Variants in POLD3 observed in about 807,000 individuals in gnomAD.
The protein encoded by POLD3 is DNA polymerase delta 3, accessory subunit, also known as DNA polymerase delta subunit 3.
In POLD3, 19 loss-of-function variants were observed where a neutral mutation model predicts 58.2. The ratio of observed to expected loss-of-function variants is 0.33; its 90% CI spans 0.23 to 0.48. The LOEUF (loss-of-function observed/expected upper bound fraction) is 0.48, where lower values mean the gene tolerates loss of function less well. Ranked by LOEUF, POLD3 falls within the 20% of genes least tolerant of loss-of-function variation. The pLI, the probability that POLD3 is intolerant of heterozygous loss-of-function variation, is 0.99. For missense variants in POLD3, 504 were observed against 545.5 expected (o/e 0.92, Z 0.76); for synonymous variants, 172 against 193.5 (o/e 0.89, Z 0.92).
At chr11:74,630,268 T>G (rs1456329822) in intron 9 of POLD3, among the ~76,000 whole-genome samples, 2 of 151,904 alleles carry the variant, frequency 1.3e-5, no homozygotes, top group Non-Finnish European at 2.9e-5. Context: ...TAAGAGGAAT[T>G]GAAAATGGTA....
chr11:74,608,426 G>GT (rs1393967876), intron 3 of POLD3, among the ~76,000 whole-genome samples: 2 of 151,990 alleles, frequency 1.3e-5, no homozygotes, highest in Non-Finnish European at 2.9e-5. Flanking sequence ...TGGCCTTTCT[G>GT]TTTTTTTAGC....
chr11:74,612,247 A>G (rs2135138742), intron 4 of POLD3, among the ~76,000 whole-genome samples: 1 of 152,260 alleles, frequency 6.6e-6, no homozygotes, highest in African/African-American at 2.4e-5. Context: ...GGGTTTGTCC[A>G]CTTTTTACTT....
intron 6 of POLD3, 109 bp downstream of exon 6, chr11:74,618,913 G>T (rs2032165617): frequency 1.1e-6 from 1 of 945,454 alleles, no homozygotes; most frequent in Non-Finnish European, 1.6e-6. Context: ...CTGATATTCA[G>T]TTCTGATTTT....
intron 1 of POLD3, chr11:74,593,162 T>A: frequency 2.2e-6 from 1 of 453,396 alleles, no homozygotes; most frequent in Non-Finnish European, 3.0e-6. Flanking sequence ...TTGATAGAGG[T>A]TTGATCCGCT....
intron 4 of POLD3, among the ~76,000 whole-genome samples, chr11:74,649,809 A>C (rs1406894481): frequency 6.6e-6 from 1 of 152,172 alleles, no homozygotes; most frequent in Non-Finnish European, 1.5e-5. Context: ...GGAGTTCGAG[A>C]CCAGCCTGGC....
At chr11:74,610,616 T>C (rs1235255200) in intron 3 of POLD3, among the ~76,000 whole-genome samples, 1 of 151,802 alleles carries the variant, frequency 6.6e-6, no homozygotes, top group African/African-American at 2.4e-5. Flanking sequence ...GCTTTATCAT[T>C]TGTTTTTGTA....
intron 2 of POLD3, among the ~76,000 whole-genome samples, chr11:74,600,200 T>C (rs1022107198): frequency 5.9e-5 from 9 of 152,146 alleles, no homozygotes; most frequent in East Asian, 1.9e-4. Context: ...TGCCTCGGCC[T>C]CCTAACATGC....
intron 11 of POLD3, among the ~76,000 whole-genome samples, chr11:74,636,489 A>G (rs1371602271): frequency 6.6e-5 from 10 of 152,236 alleles, no homozygotes; most frequent in Admixed American, 6.5e-4. Context: ...GACTATAAAA[A>G]TAAGCACTGA....
chr11:74,629,285 G>A lies in POLD3; in HGVS notation c.968G>A (p.Arg323Lys). 1.9e-6 allele frequency: 3 copies of A among 1,608,502 alleles called. No individual in the cohort carries two copies. Among genetic ancestry groups the A allele is most frequent in the Non-Finnish European group, 2.6e-6 (3 of 1,176,396 alleles). The stretch of plus-strand genomic sequence containing the variant: ...GAAAACATGAGGAAAAAGAGGAGAA[G>A]AATCAAACTTCCTGAATCTGATAGC... The part of the protein sequence containing the change: ...ETENMRKKRR[R>K]IKLPESDSSE... Residue 323 changes from arginine to lysine, a missense_variant, in exon 9 of 12, where the codon AGA (arginine) becomes AAA (lysine). This residue lies in a region of POLD3 where 385 missense variants were observed against 370.5 expected (regional missense o/e 1.04). Coordinates refer to ENST00000263681, the MANE Select transcript of POLD3 (RefSeq NM_006591.3).
At chr11:74,658,289 C>T (rs2033161879) in intron 4 of POLD3, among the ~76,000 whole-genome samples, 1 of 152,100 alleles carries the variant, frequency 6.6e-6, no homozygotes, top group South Asian at 2.1e-4. Flanking sequence ...GAAAGACTGG[C>T]CCCCATGATT....
rs2032920257 is a variant in POLD3 at position 74,641,778 on chromosome 11, T to G, written c.*1012T>G. On this transcript the variant is annotated 3_prime_UTR_variant, in exon 12 of 12. Transcript: ENST00000263681. Reference sequence around the variant, plus strand: ...GATAAGGCACACATTTATTTATAAATGGATGTTGCTCCTTTGTATTTTTAG... The same window carrying G: ...GATAAGGCACACATTTATTTATAAAGGGATGTTGCTCCTTTGTATTTTTAG... 5 of 985,130 alleles carry G rather than the reference T, an allele frequency of 5.1e-6. No individual in the cohort carries two copies. Among genetic ancestry groups the G allele is most frequent in the Admixed American group, 6.1e-5 (1 of 16,272 alleles). 61.0% of individuals were successfully genotyped at this position (985,130 alleles called of 1,614,324 possible). A position where few individuals can be genotyped will look rare whatever the true frequency, so the allele number is the denominator to read the frequency against.
At chr11:74,631,405 C>T (rs1040119886) in intron 9 of POLD3, among the ~76,000 whole-genome samples, 7 of 150,976 alleles carry the variant, frequency 4.6e-5, no homozygotes, top group African/African-American at 1.7e-4. Flanking sequence ...TTTTTATGAA[C>T]ATGAAATAAG....
intron 2 of POLD3, among the ~76,000 whole-genome samples, chr11:74,601,538 G>A (rs1038030852): frequency 6.6e-6 from 1 of 152,198 alleles, no homozygotes; most frequent in African/African-American, 2.4e-5. Context: ...TGTAATCCTA[G>A]CATTTTGAGA....
intron 4 of POLD3, among the ~76,000 whole-genome samples, chr11:74,650,583 G>A (rs1355598739): frequency 6.6e-6 from 1 of 152,196 alleles, no homozygotes; most frequent in Non-Finnish European, 1.5e-5. Flanking sequence ...AATGATGTAT[G>A]GGGTGCTTGG....
At chr11:74,639,342 C>T (rs2032844863) in intron 11 of POLD3, among the ~76,000 whole-genome samples, 1 of 152,054 alleles carries the variant, frequency 6.6e-6, no homozygotes, top group South Asian at 2.1e-4. Flanking sequence ...AAAGCTTATG[C>T]CTCTAGAACA....
At position 74,641,444 on chromosome 11, in the gene POLD3, C is replaced by A. The variant is rs1380148525; in HGVS notation, c.*678C>A. The stretch of plus-strand genomic sequence containing the variant: ...CTTGCAATTAGTGGTTAGGGAAAAG[C>A]CTCAGGCAGAACACAAATAGAAATT... On this transcript the variant is annotated 3_prime_UTR_variant, in exon 12 of 12. Transcript: ENST00000263681. The A allele has an allele frequency of 1.0e-6, 1 of 985,286 alleles. No homozygotes were observed. Among genetic ancestry groups the A allele is most frequent in the Non-Finnish European group, 1.2e-6 (1 of 829,948 alleles). The allele number at this position is 985,286 out of a possible 1,614,324, so 61.0% of individuals were successfully genotyped here. A position where few individuals can be genotyped will look rare whatever the true frequency, so the allele number is the denominator to read the frequency against.
At chr11:74,596,765 C>G (rs1463315630) in intron 2 of POLD3, among the ~76,000 whole-genome samples, 1 of 152,194 alleles carries the variant, frequency 6.6e-6, no homozygotes, top group Admixed American at 6.5e-5. Context: ...CCCATTCCCC[C>G]TCCCCTAACC....
At chr11:74,627,259 T>A (rs1403442879) in intron 8 of POLD3, among the ~76,000 whole-genome samples, 3 of 151,732 alleles carry the variant, frequency 2.0e-5, no homozygotes, top group Non-Finnish European at 4.4e-5. Flanking sequence ...AATGTGTGTT[T>A]GGGTCTTAGC....
chr11:74,614,264 A>G (rs1270102256), intron 5 of POLD3, among the ~76,000 whole-genome samples: 1 of 152,244 alleles, frequency 6.6e-6, no homozygotes. Flanking sequence ...TGGTTGCAGT[A>G]TTGAAGATAA....
Sources: allele counts gnomAD v4.1 joint callset (sites outside exome capture counted in the v4.1 genomes callset), GRCh38; gene constraint gnomAD v4.1.1; regional missense constraint gnomAD v4.1.1; transcripts MANE v1.5; gene names NCBI Gene and HGNC (gene_info 2026-07-23, HGNC 2026-07-21).